DERA: variants seen among roughly 807,000 people sequenced by gnomAD.
DERA encodes the protein 2-deoxy-D-ribose 5-phosphate aldolase.
DERA carries 15 observed loss-of-function variants against 41.1 expected under a neutral mutation model. That is an observed-to-expected ratio of 0.37 (90% CI 0.24 to 0.56). The LOEUF (loss-of-function observed/expected upper bound fraction) is 0.56. Ranked by LOEUF, DERA falls within the 20% of genes least tolerant of loss-of-function variation. The probability of loss-of-function intolerance (pLI) is 0.81; values close to 1 mark genes in which losing one functional copy is unlikely to be tolerated. For missense variants in DERA, 396 were observed against 403.4 expected, an observed-to-expected ratio of 0.98 and a Z score of 0.16; for synonymous variants, 139 against 137.4, an observed-to-expected ratio of 1.01 and a Z score of -0.08.
chr12:15,960,636 C>CAAAAAAAAAAAAAAAAAAAAA, intron 4 of DERA, among the ~76,000 whole-genome samples: 1 of 28,718 alleles, frequency 3.5e-5, no homozygotes, highest in Non-Finnish European at 6.3e-5. Flanking sequence ...GACTCCGTCT[C>CAAAAAAAAAAAAAAAAAAAAA]AAAAAAAAAA....
At chr12:15,945,124 T>G (rs2136138616) in intron 1 of DERA, among the ~76,000 whole-genome samples, 1 of 152,332 alleles carries the variant, frequency 6.6e-6, no homozygotes, top group South Asian at 2.1e-4. Flanking sequence ...GCTGTTTTGG[T>G]TACTGTAGCC....
In DERA at chr12:15,984,325, G is replaced by A. The variant is rs1253640807; in HGVS notation, c.637+1889G>A. On this transcript the variant is annotated intron_variant, in intron 6 of 8. Coordinates refer to ENST00000428559, the MANE Select transcript of DERA (RefSeq NM_015954.4). This position sits in a 1 kb window ranked among gnomAD's most constrained non-coding sequence, Gnocchi z 4.5. ...GGTATTAGGTCATCACGCTTTGGAA[G>A]CTGTGTCCCACCCTCCACCCATCCT... 6.6e-6 allele frequency among the ~76,000 whole-genome samples: 1 copy of A among 152,138 alleles called. No individual in the cohort carries two copies. The highest frequency in any genetic ancestry group is 1.9e-4 in the East Asian group (1 of 5,194).
chr12:16,018,640 A>T (rs1948999885), intron 6 of DERA, among the ~76,000 whole-genome samples: 1 of 152,156 alleles, frequency 6.6e-6, no homozygotes, highest in Non-Finnish European at 1.5e-5. Context: ...AGAAGACCAT[A>T]TACAAGGGCA....
rs932434918 is a variant in DERA at position 15,959,030 on chromosome 12, C to G, written c.277+695C>G. On this transcript the variant is annotated intron_variant, in intron 3 of 8. Transcript: ENST00000428559. This position sits in a 1 kb window ranked among gnomAD's most constrained non-coding sequence, Gnocchi z 4.5. ...CCAGGTCTCCTTCCCATGGAGTATG[C>G]TTCATGGCCCCCGAGTGCCTATCTG... Among the ~76,000 whole-genome samples, 1 of 152,170 alleles carries G rather than the reference C, an allele frequency of 6.6e-6. No homozygotes were observed. Among genetic ancestry groups the G allele is most frequent in the Non-Finnish European group, 1.5e-5 (1 of 68,032 alleles).
In DERA at chr12:15,965,241, C is replaced by T. The variant is rs915252719; in HGVS notation, c.508+2294C>T. ...GCAGTTTTAAATCCAGGGCCCTCTCCCTTGTGCAGTGAGGTTTGTAGGATA... is the reference window on the plus strand; with the variant it reads ...GCAGTTTTAAATCCAGGGCCCTCTCTCTTGTGCAGTGAGGTTTGTAGGATA... On this transcript the variant is annotated intron_variant, in intron 5 of 8. Transcript: ENST00000428559. The surrounding 1 kb of genome is among the most constrained non-coding windows in gnomAD (Gnocchi z 4.1). Among the ~76,000 whole-genome samples, 1 of 152,122 alleles carries T rather than the reference C, an allele frequency of 6.6e-6. No homozygotes were observed. The highest frequency in any genetic ancestry group is 2.4e-5 in the African/African-American group (1 of 41,400).
intron 1 of DERA, among the ~76,000 whole-genome samples, chr12:15,912,159 C>T (rs1180987831): frequency 6.6e-6 from 1 of 151,996 alleles, no homozygotes; most frequent in Non-Finnish European, 1.5e-5. Context: ...GCAGAGGACC[C>T]TGCGGCCTTC....
chr12:15,950,381 C>T (rs988719481), intron 1 of DERA, among the ~76,000 whole-genome samples: 11 of 152,140 alleles, frequency 7.2e-5, no homozygotes, highest in Admixed American at 4.6e-4. Flanking sequence ...GGGAGTGTGG[C>T]AGTGAGGAGG....
rs1462641008 is a variant in DERA at position 15,941,275 on chromosome 12, C to T, written c.32-15661C>T. On this transcript the variant is annotated intron_variant, in intron 1 of 8. Transcript: ENST00000428559. The surrounding 1 kb of genome is among the most constrained non-coding windows in gnomAD (Gnocchi z 4.5). ...TGATTGAGCTCAGGCCGGGGCTCAA[C>T]TAGCTGCTATAGCAAATGGGTATAA... 1.3e-5 allele frequency among the ~76,000 whole-genome samples: 2 copies of T among 152,130 alleles called. No homozygotes were observed. Among genetic ancestry groups the T allele is most frequent in the East Asian group, 3.8e-4 (2 of 5,196 alleles).
rs1948839703 is a variant in DERA at position 15,996,605 on chromosome 12, G to A, written c.637+14169G>A. 6.6e-6 allele frequency among the ~76,000 whole-genome samples: 1 copy of A among 152,082 alleles called. No individual in the cohort carries two copies. Among genetic ancestry groups the A allele is most frequent in the Admixed American group, 6.6e-5 (1 of 15,264 alleles). ...TCAGTATGACCTTATCTTAACTAAT[G>A]ACATCTTCAGTGGCCCTCTTTCCAA... On this transcript the variant is annotated intron_variant, in intron 6 of 8. Coordinates refer to ENST00000428559, the MANE Select transcript of DERA (RefSeq NM_015954.4). The surrounding 1 kb of genome is among the most constrained non-coding windows in gnomAD (Gnocchi z 4.7).
At position 15,992,459 on chromosome 12, in the gene DERA, AG is replaced by A. The variant is rs1469142597; in HGVS notation, c.637+10025del. 3.9e-5 allele frequency among the ~76,000 whole-genome samples: 6 copies of A among 152,258 alleles called. No homozygotes were observed. The highest frequency in any genetic ancestry group is 1.4e-4 in the African/African-American group (6 of 41,568). On this transcript the variant is annotated intron_variant, in intron 6 of 8. Coordinates refer to ENST00000428559, the MANE Select transcript of DERA (RefSeq NM_015954.4). This position sits in a 1 kb window ranked among gnomAD's most constrained non-coding sequence, Gnocchi z 4.3. ...TGTAAGAATGTGGAGATGGATCTGGAGGCAAGGAAGAACCAGGGAGAACTTT... is the reference window on the plus strand; with the variant it reads ...TGTAAGAATGTGGAGATGGATCTGGAGCAAGGAAGAACCAGGGAGAACTTT...
intron 1 of DERA, among the ~76,000 whole-genome samples, chr12:15,952,264 C>G (rs1019583195): frequency 6.6e-6 from 1 of 152,222 alleles, no homozygotes. Context: ...TATTATTGAA[C>G]TGGACATGGA....
At chr12:16,022,092 T>A (rs1392727240) in intron 6 of DERA, among the ~76,000 whole-genome samples, 1 of 152,218 alleles carries the variant, frequency 6.6e-6, no homozygotes, top group Non-Finnish European at 1.5e-5. Context: ...AATCTCATGT[T>A]AAAATGTAAT....
rs1948950384 is a variant in DERA at position 16,012,097 on chromosome 12, T to C, written c.638-20445T>C. Among the ~76,000 whole-genome samples, 1 of 152,230 alleles carries C rather than the reference T, an allele frequency of 6.6e-6. No homozygotes were observed. Among genetic ancestry groups the C allele is most frequent in the Admixed American group, 6.5e-5 (1 of 15,280 alleles). Reference sequence around the variant, plus strand: ...AAAAGCCTTGTCTTGTACACTGCTGTGTATGCACTTTATAGAAAAGTACTA... The same window carrying C: ...AAAAGCCTTGTCTTGTACACTGCTGCGTATGCACTTTATAGAAAAGTACTA... On this transcript the variant is annotated intron_variant, in intron 6 of 8. Transcript: ENST00000428559. The surrounding 1 kb of genome is among the most constrained non-coding windows in gnomAD (Gnocchi z 4.1).
At chr12:16,028,843 CAAAAT>C (rs1288927206) in intron 6 of DERA, among the ~76,000 whole-genome samples, 1 of 151,886 alleles carries the variant, frequency 6.6e-6, no homozygotes, top group Admixed American at 6.6e-5. Context: ...TCAAGATCAT[CAAAAT>C]AAAATAAGAA....
intron 4 of DERA, among the ~76,000 whole-genome samples, chr12:15,961,909 A>G (rs1948590896): frequency 6.6e-6 from 1 of 152,042 alleles, no homozygotes; most frequent in African/African-American, 2.4e-5. Flanking sequence ...ACACCAGGCT[A>G]ATTTTTATAC....
intron 1 of DERA, among the ~76,000 whole-genome samples, chr12:15,949,482 G>C (rs146161216): frequency 3.0e-4 from 43 of 142,688 alleles, no homozygotes; most frequent in Non-Finnish European, 5.0e-4. Context: ...CTCCGTGGGC[G>C]TGGGACCCTC....
intron 1 of DERA, among the ~76,000 whole-genome samples, chr12:15,920,180 A>G (rs1443651465): frequency 6.6e-6 from 1 of 152,214 alleles, no homozygotes; most frequent in Non-Finnish European, 1.5e-5. Flanking sequence ...AATATTTCAG[A>G]TACTCTTTTC....
In DERA at chr12:15,957,102, A is replaced by G; in HGVS notation, c.129+69A>G. ...CATGGTCTCTTCCCTCAAGGCCACA[A>G]TATTGAATTTCACTCAAGATGCATC... On this transcript the variant is annotated intron_variant, in intron 2 of 8. Transcript: ENST00000428559. The surrounding 1 kb of genome is among the most constrained non-coding windows in gnomAD (Gnocchi z 4.8). 8.3e-7 allele frequency: 1 copy of G among 1,210,286 alleles called. No homozygotes were observed. The allele number at this position is 1,210,286 out of a possible 1,614,324, so 75.0% of individuals were successfully genotyped here.
At chr12:15,964,067 G>T (rs570404532) in intron 5 of DERA, among the ~76,000 whole-genome samples, 1 of 152,146 alleles carries the variant, frequency 6.6e-6, no homozygotes, top group Non-Finnish European at 1.5e-5. Context: ...TTGGAGACCC[G>T]GGCTACGTTT....
Sources: gnomAD v4.1 joint callset for allele counts (sites outside exome capture counted in the v4.1 genomes callset) on GRCh38, gnomAD v4.1.1 for gene constraint, Gnocchi (gnomAD v3.1) non-coding constraint, MANE v1.5 for transcripts, NCBI Gene and HGNC (gene_info 2026-07-23, HGNC 2026-07-21) for gene names.